ELMO1: variants seen among roughly 807,000 people sequenced by gnomAD.
The protein encoded by ELMO1 is engulfment and cell motility 1, also known as engulfment and cell motility protein 1.
In ELMO1, 26 loss-of-function variants were observed where a neutral mutation model predicts 98.9. That is an observed-to-expected ratio of 0.26 (90% CI 0.19 to 0.36). The LOEUF is 0.36. Among genes scored for constraint, ELMO1 ranks in the 10% least tolerant of loss-of-function variants. The pLI, the probability that ELMO1 is intolerant of heterozygous loss-of-function variation, is 1.00. For missense variants in ELMO1, 627 were observed against 935.2 expected (o/e 0.67, Z 4.30); for synonymous variants, 346 against 346.0 (o/e 1.00, Z 0.00).
intron 13 of ELMO1, among the ~76,000 whole-genome samples, chr7:37,202,085 G>A (rs1031541301): frequency 1.3e-4 from 20 of 152,274 alleles, no homozygotes; most frequent in Middle Eastern, 3.4e-3. Context: ...AGAGCACCCC[G>A]GGACCTCCTG....
At chr7:37,065,762 T>A (rs889898089) in intron 15 of ELMO1, among the ~76,000 whole-genome samples, 1 of 152,182 alleles carries the variant, frequency 6.6e-6, no homozygotes, top group Non-Finnish European at 1.5e-5. Flanking sequence ...GCTAGTGGAC[T>A]GGAGGAACAA....
At chr7:36,898,071 G>A (rs1268074602) in intron 16 of ELMO1, among the ~76,000 whole-genome samples, 1 of 152,136 alleles carries the variant, frequency 6.6e-6, no homozygotes, top group Non-Finnish European at 1.5e-5. Context: ...CTCTGTGAAA[G>A]GTATCATTAA....
chr7:37,287,451 C>G (rs1797451383), intron 4 of ELMO1, among the ~76,000 whole-genome samples: 1 of 152,152 alleles, frequency 6.6e-6, no homozygotes, highest in African/African-American at 2.4e-5. Flanking sequence ...ATAACAAGAT[C>G]TGTTGTAAGG....
intron 14 of ELMO1, among the ~76,000 whole-genome samples, chr7:37,125,739 T>C (rs4723614): frequency 0.35 from 52,762 of 152,092 alleles, 11,495 homozygotes; most frequent in African/African-American, 0.63. Flanking sequence ...GACAGTGTGG[T>C]GATTCCTCAA....
chr7:37,354,702 T>C (rs1801422394), intron 1 of ELMO1, among the ~76,000 whole-genome samples: 1 of 152,204 alleles, frequency 6.6e-6, no homozygotes, highest in Non-Finnish European at 1.5e-5. Context: ...CCAGCAAGCC[T>C]GTCACTCGGT....
At position 36,911,482 on chromosome 7, in the gene ELMO1, C is replaced by T. The variant is rs376764958; in HGVS notation, c.1438-16465G>A. Among the ~76,000 whole-genome samples the T allele has an allele frequency of 7.9e-5, 12 of 152,236 alleles. No individual in the cohort carries two copies. In the East Asian group the frequency reaches 9.7e-4, roughly 12 times the overall value. The stretch of plus-strand genomic sequence containing the variant: ...GTAAATGCTTGCTCTTTTGGCATAA[C>T]GGCTTCCAAACGAACATCTCATGAT... On this transcript the variant is annotated intron_variant, in intron 16 of 21. Coordinates refer to ENST00000310758, the MANE Select transcript of ELMO1 (RefSeq NM_014800.11).
At chr7:37,298,911 G>C (rs1197544989) in intron 4 of ELMO1, among the ~76,000 whole-genome samples, 2 of 36,242 alleles carry the variant, frequency 5.5e-5, no homozygotes, top group African/African-American at 1.1e-4. Flanking sequence ...CTAGTTTACA[G>C]TCCCACCAAC....
intron 2 of ELMO1, among the ~76,000 whole-genome samples, chr7:37,328,552 G>A (rs1286270950): frequency 6.6e-6 from 1 of 152,056 alleles, no homozygotes; most frequent in East Asian, 1.9e-4. Context: ...ACAAGCCCAG[G>A]TGCTCAGCGC....
chr7:37,156,088 A>C (rs569857403), intron 13 of ELMO1, among the ~76,000 whole-genome samples: 1 of 152,292 alleles, frequency 6.6e-6, no homozygotes, highest in African/African-American at 2.4e-5. Context: ...GGTACATAAC[A>C]AAATGAAAGT....
At chr7:37,066,605 A>G (rs938901895) in intron 15 of ELMO1, among the ~76,000 whole-genome samples, 5 of 152,190 alleles carry the variant, frequency 3.3e-5, no homozygotes, top group Non-Finnish European at 7.4e-5. Flanking sequence ...TAATAATAAT[A>G]TATAGTTACA....
At chr7:37,066,602 A>G (rs982913181) in intron 15 of ELMO1, among the ~76,000 whole-genome samples, 1 of 152,184 alleles carries the variant, frequency 6.6e-6, no homozygotes, top group South Asian at 2.1e-4. Flanking sequence ...AGTTAATAAT[A>G]ATATATAGTT....
intron 13 of ELMO1, among the ~76,000 whole-genome samples, chr7:37,146,927 G>T (rs1365921032): frequency 6.6e-6 from 1 of 152,098 alleles, no homozygotes; most frequent in Non-Finnish European, 1.5e-5. Context: ...CTCATCCTAT[G>T]GATGAGGTCA....
intron 15 of ELMO1, among the ~76,000 whole-genome samples, chr7:37,068,065 G>C (rs1562979330): frequency 6.6e-6 from 1 of 152,194 alleles, no homozygotes; most frequent in Non-Finnish European, 1.5e-5. Context: ...AATAGGCACA[G>C]ATGGCCTGGG....
intron 16 of ELMO1, among the ~76,000 whole-genome samples, chr7:36,954,225 T>G (rs370504945): frequency 2.0e-4 from 30 of 151,968 alleles, no homozygotes; most frequent in African/African-American, 7.2e-4. Flanking sequence ...CAGGTGCACC[T>G]TCCTCATTCA....
chr7:36,983,403 C>G (rs1160714950), intron 16 of ELMO1, among the ~76,000 whole-genome samples: 1 of 152,232 alleles, frequency 6.6e-6, no homozygotes, highest in Non-Finnish European at 1.5e-5. Context: ...TTTAATTCAA[C>G]TACCTGTGGT....
At chr7:37,259,601 G>C (rs1025570190) in intron 5 of ELMO1, among the ~76,000 whole-genome samples, 20 of 152,046 alleles carry the variant, frequency 1.3e-4, no homozygotes, top group African/African-American at 4.6e-4. Context: ...TCCATTTCGA[G>C]GAAAAGCAAG....
At chr7:37,266,714 T>C (rs951220445) in intron 5 of ELMO1, among the ~76,000 whole-genome samples, 1 of 151,914 alleles carries the variant, frequency 6.6e-6, no homozygotes, top group East Asian at 1.9e-4. Context: ...ATGAGATAGG[T>C]AGAAATACAT....
chr7:36,937,133 C>T (rs1360883841), intron 16 of ELMO1, among the ~76,000 whole-genome samples: 2 of 152,144 alleles, frequency 1.3e-5, no homozygotes, highest in Admixed American at 1.3e-4. Context: ...TTGCTCCCCC[C>T]AAAAGATATG....
intron 13 of ELMO1, among the ~76,000 whole-genome samples, chr7:37,148,089 C>A (rs1788115622): frequency 6.6e-6 from 1 of 152,164 alleles, no homozygotes; most frequent in Non-Finnish European, 1.5e-5. Flanking sequence ...AAGGGAAAGG[C>A]AAATAACCAC....
Sources: gnomAD v4.1 joint callset for allele counts (sites outside exome capture counted in the v4.1 genomes callset) on GRCh38, gnomAD v4.1.1 for gene constraint, MANE v1.5 for transcripts, NCBI Gene and HGNC (gene_info 2026-07-23, HGNC 2026-07-21) for gene names.